FUT9: variants seen among roughly 807,000 people sequenced by gnomAD.
FUT9 encodes fucosyltransferase 9, also known as 4-galactosyl-N-acetylglucosaminide 3-alpha-L-fucosyltransferase 9.
FUT9 carries 15 observed loss-of-function variants against 29.7 expected under a neutral mutation model. The observed-to-expected ratio is 0.51, with a 90% CI of 0.34 to 0.78. The LOEUF is 0.78. FUT9 is among the 30% of genes least tolerant of loss of function. The pLI is 0.01. For synonymous variants in FUT9, 169 were observed against 153.7 expected, an observed-to-expected ratio of 1.10 and a Z score of -0.74; for missense variants, 319 against 425.4, an observed-to-expected ratio of 0.75 and a Z score of 2.20.
chr6:96,175,825 T>C (rs911842484), intron 2 of FUT9, among the ~76,000 whole-genome samples: 1 of 152,212 alleles, frequency 6.6e-6, no homozygotes, highest in African/African-American at 2.4e-5. Flanking sequence ...GATTAAGGGA[T>C]ACCCAGATAG....
At chr6:96,190,692 A>G (rs915131734) in intron 2 of FUT9, among the ~76,000 whole-genome samples, 8 of 152,132 alleles carry the variant, frequency 5.3e-5, no homozygotes, top group Admixed American at 5.2e-4. Flanking sequence ...CTTCCAGTTG[A>G]TCAAATCAGC....
At chr6:96,044,947 T>C (rs1160799598) in intron 1 of FUT9, among the ~76,000 whole-genome samples, 1 of 152,210 alleles carries the variant, frequency 6.6e-6, no homozygotes, top group African/African-American at 2.4e-5. Flanking sequence ...CATATAAATA[T>C]TTAAAAATGC....
In FUT9 at chr6:96,096,684, A is replaced by ATGTGTGTGTGTGTGTGTGTGTGTGTGTG. The variant is rs1243489757; in HGVS notation, c.-97-17332_-97-17331insGTGTGTGTGTGTGTGTGTGTGTGTGTGT. On this transcript the variant is annotated intron_variant, in intron 1 of 2. Coordinates refer to ENST00000302103, the MANE Select transcript of FUT9 (RefSeq NM_006581.4). Reference sequence around the variant, plus strand: ...TGTCTAGTGTGTTAGTGTCTAAGGCATGTGTGTGTGTGTGTGTGTGTGTCT... The same window carrying ATGTGTGTGTGTGTGTGTGTGTGTGTGTG: ...TGTCTAGTGTGTTAGTGTCTAAGGCATGTGTGTGTGTGTGTGTGTGTGTGTGTGTGTGTGTGTGTGTGTGTGTGTGTCT... Among the ~76,000 whole-genome samples, 13 of 140,868 alleles carry ATGTGTGTGTGTGTGTGTGTGTGTGTGTG rather than the reference A, an allele frequency of 9.2e-5. No homozygotes were observed. The East Asian group carries it at 1.3e-3, about 14-fold the overall frequency. The allele number at this position is 140,868 out of a possible 152,430, so 92.4% of individuals were successfully genotyped here.
At chr6:96,025,107 G>A (rs1270436913) in intron 1 of FUT9, among the ~76,000 whole-genome samples, 2 of 151,710 alleles carry the variant, frequency 1.3e-5, no homozygotes, top group East Asian at 3.9e-4. Context: ...TGATTCACCT[G>A]GTTTCTGGCT....
chr6:96,029,608 G>A (rs1435572109), intron 1 of FUT9, among the ~76,000 whole-genome samples: 1 of 151,486 alleles, frequency 6.6e-6, no homozygotes, highest in Non-Finnish European at 1.5e-5. Context: ...TAAATGATTG[G>A]CATCATTCCC....
intron 1 of FUT9, among the ~76,000 whole-genome samples, chr6:96,038,683 C>T (rs1288058715): frequency 6.6e-6 from 1 of 152,128 alleles, no homozygotes; most frequent in Non-Finnish European, 1.5e-5. Context: ...CTTCAACATC[C>T]ATCAATGACT....
At chr6:96,088,530 TTGTGTGTGTGTGTG>T (rs35995545) in intron 1 of FUT9, among the ~76,000 whole-genome samples, 1,917 of 148,792 alleles carry the variant, frequency 0.013, 18 homozygotes, top group Middle Eastern at 0.031. Context: ...TTTGTTTGTT[TTGTGTGTGTGTGTG>T]TGTGTGTGTG....
In FUT9 at chr6:96,215,040, T is replaced by C. The variant is rs549493675; in HGVS notation, c.*10805T>C. ...ACGCCGACTTTACCAACCAAGATAG[T>C]GTATGTGTGTGACATTCAGCTAACA... On this transcript the variant is annotated 3_prime_UTR_variant, in exon 3 of 3. Coordinates refer to ENST00000302103, the MANE Select transcript of FUT9 (RefSeq NM_006581.4). 3.1e-4 allele frequency: 52 copies of C among 167,068 alleles called. No homozygotes were observed. Among genetic ancestry groups the C allele is most frequent in the Middle Eastern group, 3.4e-3 (1 of 296 alleles). The allele number at this position is 167,068 out of a possible 1,614,324, so 10.3% of individuals were successfully genotyped here.
At chr6:96,201,473 T>C (rs958151617) in intron 2 of FUT9, among the ~76,000 whole-genome samples, 1 of 151,982 alleles carries the variant, frequency 6.6e-6, no homozygotes, top group Admixed American at 6.6e-5. Flanking sequence ...TTAACATTTT[T>C]CCTTCTTATT....
In FUT9 at chr6:96,047,723, A is replaced by AACAAAC. The variant is rs554783613; in HGVS notation, c.-98+31513_-98+31518dup. 1.8e-3 allele frequency among the ~76,000 whole-genome samples: 279 copies of AACAAAC among 152,330 alleles called. 2 individuals are homozygous for AACAAAC. The Middle Eastern group carries it at 0.031, about 17-fold the overall frequency. ...ACAAGGGTTACGATAGAAAAACAAA[A>AACAAAC]ACAAACATAGGTAATATGTGAGAAA... On this transcript the variant is annotated intron_variant, in intron 1 of 2. Transcript: ENST00000302103.
chr6:96,091,307 A>T (rs1017806336), intron 1 of FUT9, among the ~76,000 whole-genome samples: 1 of 152,108 alleles, frequency 6.6e-6, no homozygotes, highest in Non-Finnish European at 1.5e-5. Context: ...TTTACAAAAT[A>T]AATTAGAATA....
chr6:96,119,771 G>A (rs566960494), intron 2 of FUT9, among the ~76,000 whole-genome samples: 1 of 152,208 alleles, frequency 6.6e-6, no homozygotes, highest in Non-Finnish European at 1.5e-5. Context: ...AAAATTTATA[G>A]CATACTCTTA....
At chr6:96,078,405 C>CTGATTTTTTTTTTTTTTTTTTT (rs1201729276) in intron 1 of FUT9, among the ~76,000 whole-genome samples, 2 of 45,190 alleles carry the variant, frequency 4.4e-5, no homozygotes, top group East Asian at 7.3e-4. Context: ...TCATATTAGT[C>CTGATTTTTTTTTTTTTTTTTTT]TTCTTTTTTT....
At chr6:96,109,378 A>G (rs1771754482) in intron 1 of FUT9, among the ~76,000 whole-genome samples, 1 of 152,174 alleles carries the variant, frequency 6.6e-6, no homozygotes, top group Non-Finnish European at 1.5e-5. Context: ...TTAATTCAAC[A>G]GCAACTGAAA....
chr6:96,164,474 G>T (rs1772976814), intron 2 of FUT9, among the ~76,000 whole-genome samples: 2 of 151,990 alleles, frequency 1.3e-5, no homozygotes, highest in Non-Finnish European at 2.9e-5. Flanking sequence ...TAGCCAGGAT[G>T]GTCTCAACCT....
chr6:96,207,013 C>T lies in FUT9; in HGVS notation c.*2778C>T, dbSNP rs1257665725. The T allele has an allele frequency of 1.2e-5, 2 of 166,760 alleles. No individual in the cohort carries two copies. Among genetic ancestry groups the T allele is most frequent in the Non-Finnish European group, 2.9e-5 (2 of 68,070 alleles). 10.3% of individuals were successfully genotyped at this position (166,760 alleles called of 1,614,324 possible). On this transcript the variant is annotated 3_prime_UTR_variant, in exon 3 of 3. Coordinates refer to ENST00000302103, the MANE Select transcript of FUT9 (RefSeq NM_006581.4). ...TGCTTTGAAACCCCATTACTAAGTCCCAGAAGACTGTTTCCTAAATTTGAA... is the reference window on the plus strand; with the variant it reads ...TGCTTTGAAACCCCATTACTAAGTCTCAGAAGACTGTTTCCTAAATTTGAA...
intron 1 of FUT9, among the ~76,000 whole-genome samples, chr6:96,063,109 G>A (rs1187191889): frequency 6.6e-6 from 1 of 152,126 alleles, no homozygotes; most frequent in Non-Finnish European, 1.5e-5. Context: ...ACTCTTAGCA[G>A]GATGTTCCTG....
chr6:96,215,405 C>T lies in FUT9; in HGVS notation c.*11170C>T, dbSNP rs1423955279. 1 of 166,682 alleles carries T rather than the reference C, an allele frequency of 6.0e-6. No individual in the cohort carries two copies. Among genetic ancestry groups the T allele is most frequent in the Non-Finnish European group, 1.5e-5 (1 of 68,062 alleles). 10.3% of individuals were successfully genotyped at this position (166,682 alleles called of 1,614,324 possible). The stretch of plus-strand genomic sequence containing the variant: ...ATTTCAGCAATATGTACTAAGATTC[C>T]AAGGCAGAAATAAATGTATAAAGGA... On this transcript the variant is annotated 3_prime_UTR_variant, in exon 3 of 3. Transcript: ENST00000302103.
intron 1 of FUT9, among the ~76,000 whole-genome samples, chr6:96,056,932 C>T (rs1770782394): frequency 2.0e-5 from 3 of 152,052 alleles, no homozygotes; most frequent in South Asian, 2.1e-4. Flanking sequence ...ACTGCAAGTA[C>T]CCACACAACA....
Sources: gnomAD v4.1 joint callset for allele counts (sites outside exome capture counted in the v4.1 genomes callset) on GRCh38, gnomAD v4.1.1 for gene constraint, MANE v1.5 for transcripts, NCBI Gene and HGNC (gene_info 2026-07-23, HGNC 2026-07-21) for gene names.